CALCB: variants seen among roughly 807,000 people sequenced by gnomAD.
CALCB encodes the protein calcitonin related polypeptide beta.
Under a neutral mutation model 10.7 loss-of-function variants are expected in CALCB, and 8 were observed. That is an observed-to-expected ratio of 0.75 (90% CI 0.44 to 1.34). The LOEUF (loss-of-function observed/expected upper bound fraction) is 1.34, where lower values mean the gene tolerates loss of function less well. Among genes scored for constraint, CALCB ranks in the 40% most tolerant of loss-of-function variants. CALCB has a pLI of 0.01. For missense variants in CALCB, 176 were observed against 162.5 expected (o/e 1.08, Z -0.45); for synonymous variants, 76 against 66.9 (o/e 1.14, Z -0.66).
chr11:15,075,037 A>T (rs1302141834), intron 2 of CALCB, 24 bp from the exon 3 acceptor site: 1 of 1,614,022 alleles, frequency 6.2e-7, no homozygotes, highest in Non-Finnish European at 8.5e-7. Context: ...CACAGCCTGC[A>T]AGGAGTTTGC....
intron 3 of CALCB, among the ~76,000 whole-genome samples, chr11:15,076,110 G>C (rs1000932244): frequency 6.6e-6 from 1 of 152,138 alleles, no homozygotes; most frequent in African/African-American, 2.4e-5. Context: ...CCTTCTGAGT[G>C]ACTGCCCATG....
intron 3 of CALCB, among the ~76,000 whole-genome samples, chr11:15,076,407 T>C (rs2133641507): frequency 6.6e-6 from 1 of 152,308 alleles, no homozygotes; most frequent in South Asian, 2.1e-4. Flanking sequence ...CTTGCTCCAC[T>C]TTATGAACCT....
chr11:15,076,410 A>T (rs1850394108), intron 3 of CALCB, among the ~76,000 whole-genome samples: 1 of 152,078 alleles, frequency 6.6e-6, no homozygotes, highest in African/African-American at 2.4e-5. Context: ...GCTCCACTTT[A>T]TGAACCTGAT....
chr11:15,077,301 G>C lies in CALCB; in HGVS notation c.240G>C (p.Lys80Asn), dbSNP rs760493287. The C allele has an allele frequency of 1.9e-6, 3 of 1,614,184 alleles. No homozygotes were observed. Among genetic ancestry groups the C allele is most frequent in the Admixed American group, 1.7e-5 (1 of 60,024 alleles). The change falls in exon 4 of 5, where the codon AAG becomes AAC. Residue 80 changes from lysine (K) to asparagine (N), a missense_variant. Lys to Asn is a moderately conservative substitution (Grantham distance 94). Transcript: ENST00000324229. ...TGCAAATCAGCTCCGCTGCCCAGAAGAGAGCCTGCAACACTGCCACCTGTG... is the reference window on the plus strand; with the variant it reads ...TGCAAATCAGCTCCGCTGCCCAGAACAGAGCCTGCAACACTGCCACCTGTG... Reference protein sequence around the residue: ...ETQGSSSAAQKRACNTATCVT... With the variant: ...ETQGSSSAAQNRACNTATCVT...
chr11:15,078,417 C>T lies in CALCB; in HGVS notation c.*360C>T, dbSNP rs1261875009. 3.3e-5 allele frequency: 5 copies of T among 152,156 alleles called. No homozygotes were observed. The highest frequency in any genetic ancestry group is 1.3e-4 in the Admixed American group (2 of 15,280). 9.4% of individuals were successfully genotyped at this position (152,156 alleles called of 1,614,324 possible). ...CACTGCCTGTTGTGGTCTCCGAGGACACATGGTAATGGTGATGCTGTGCCT... is the reference window on the plus strand; with the variant it reads ...CACTGCCTGTTGTGGTCTCCGAGGATACATGGTAATGGTGATGCTGTGCCT... On this transcript the variant is annotated 3_prime_UTR_variant, in exon 5 of 5. Coordinates refer to ENST00000324229, the MANE Select transcript of CALCB (RefSeq NM_000728.4).
rs767933835 is a variant in CALCB, at chr11:15,075,130, A to C, written c.156A>C (p.Ala52=). The change falls in exon 3 of 5, where the codon GCA becomes GCC. Residue 52 remains alanine, a synonymous_variant. Coordinates refer to ENST00000324229, the MANE Select transcript of CALCB (RefSeq NM_000728.4). ...AGGACGCGCGCCTCCTGCTGGCTGC[A>C]CTGGTGCAGGACTATGTGCAGATGA... is the stretch of plus-strand genomic sequence containing the variant. ...SKEDARLLLA[A]LVQDYVQMKA... 8.1e-6 allele frequency: 13 copies of C among 1,614,190 alleles called. No individual in the cohort carries two copies. The highest frequency in any genetic ancestry group is 1.1e-5 in the Non-Finnish European group (13 of 1,180,024).
In CALCB at chr11:15,077,204, G is replaced by A. The variant is rs1313238105; in HGVS notation, c.225-82G>A. ...ACTTACTGTTAGGTGGTGTGTCGAA[G>A]TGTTGCAGTTCTCTTCATGAAGGCT... On this transcript the variant is annotated intron_variant, in intron 3 of 4. Coordinates refer to ENST00000324229, the MANE Select transcript of CALCB (RefSeq NM_000728.4). 1.0e-5 allele frequency: 15 copies of A among 1,446,722 alleles called. No individual in the cohort carries two copies. In the African/African-American group the frequency reaches 2.0e-4, roughly 19 times the overall value. The allele number at this position is 1,446,722 out of a possible 1,614,324, so 89.6% of individuals were successfully genotyped here. A position where few individuals can be genotyped will look rare whatever the true frequency, so the allele number is the denominator to read the frequency against.
intron 3 of CALCB, among the ~76,000 whole-genome samples, chr11:15,076,028 A>C (rs549567154): frequency 2.6e-5 from 4 of 152,020 alleles, no homozygotes; most frequent in African/African-American, 9.6e-5. Context: ...ACCTCTCCTA[A>C]TGGAGTGTGT....
chr11:15,073,937 C>A (rs1005439499), intron 1 of CALCB, among the ~76,000 whole-genome samples: 1 of 152,268 alleles, frequency 6.6e-6, no homozygotes, highest in Non-Finnish European at 1.5e-5. Context: ...GTCTGCAGCC[C>A]TGGCGTTGGG....
chr11:15,074,822 C>T lies in CALCB; in HGVS notation c.86+18C>T. 1 of 1,604,090 alleles carries T rather than the reference C, an allele frequency of 6.2e-7. No homozygotes were observed. Among genetic ancestry groups the T allele is most frequent in the African/African-American group, 1.3e-5 (1 of 74,642 alleles). On this transcript the variant is annotated intron_variant, in intron 2 of 4. Transcript: ENST00000324229. Reference sequence around the variant, plus strand: ...CCATTCAGGTGAGACAGCCTGGAGCCAGAGGCGCCTTCTGCTCCCACTGCC... The same window carrying T: ...CCATTCAGGTGAGACAGCCTGGAGCTAGAGGCGCCTTCTGCTCCCACTGCC...
At chr11:15,074,638 C>T (rs550690076) in intron 1 of CALCB, 72 bp from the exon 2 acceptor site, 36 of 1,156,100 alleles carry the variant, frequency 3.1e-5, no homozygotes, top group Non-Finnish European at 4.5e-5. Flanking sequence ...GGTCACATGG[C>T]AGTTGTGGCA....
In CALCB at chr11:15,075,080, C is replaced by A. The variant is rs1267624517; in HGVS notation, c.106C>A (p.Pro36Thr). 6 of 1,614,090 alleles carry A rather than the reference C, an allele frequency of 3.7e-6. No homozygotes were observed. Among genetic ancestry groups the A allele is most frequent in the Non-Finnish European group, 5.1e-6 (6 of 1,180,044 alleles). ...CCACAGGTCTGCCCTGGAGAGCAGC[C>A]CAGACCCGGCCACACTCAGTAAAGA... ...APFRSALESS[P>T]DPATLSKEDA... Residue 36 changes from proline (P) to threonine (T), a missense_variant, in exon 3 of 5, where the codon CCA becomes ACA. By Grantham distance (38) the Pro-to-Thr change is conservative. Transcript: ENST00000324229.
rs746477876 is a variant in CALCB, at chr11:15,074,703, T to C, written c.-9-7T>C. 2 of 1,610,174 alleles carry C rather than the reference T, an allele frequency of 1.2e-6. No individual in the cohort carries two copies. The highest frequency in any genetic ancestry group is 1.1e-5 in the South Asian group (1 of 90,854). ...GGTGCAGTAGTAACGTCATCCTTCCTTTACAGAGAGGCGGCATGGGTTTCC... is the reference window on the plus strand; with the variant it reads ...GGTGCAGTAGTAACGTCATCCTTCCCTTACAGAGAGGCGGCATGGGTTTCC... On this transcript the variant is annotated splice_region_variant and splice_polypyrimidine_tract_variant and intron_variant, in intron 1 of 4. Coordinates refer to ENST00000324229, the MANE Select transcript of CALCB (RefSeq NM_000728.4).
rs935072834 is a variant in CALCB at position 15,077,455 on chromosome 11, T to G, written c.*10T>G. The G allele has an allele frequency of 6.2e-7, 1 of 1,614,062 alleles. No individual in the cohort carries two copies. Among genetic ancestry groups the G allele is most frequent in the Non-Finnish European group, 8.5e-7 (1 of 1,180,008 alleles). ...GGACCTTCAAGCCTGAGCAGATGAA[T>G]GACTCCAGGAAGAAGGTAACTACCC... On this transcript the variant is annotated 3_prime_UTR_variant, in exon 4 of 5. Coordinates refer to ENST00000324229, the MANE Select transcript of CALCB (RefSeq NM_000728.4).
At chr11:15,075,315 C>A in intron 3 of CALCB, 117 bp downstream of exon 3, 1 of 1,531,124 alleles carries the variant, frequency 6.5e-7, no homozygotes, top group Non-Finnish European at 8.9e-7. Context: ...GCTGATTTGT[C>A]CAGCAGGCTC....
intron 1 of CALCB, 108 bp downstream of exon 1, chr11:15,073,771 C>T (rs761912685): frequency 3.9e-5 from 6 of 152,616 alleles, no homozygotes; most frequent in Non-Finnish European, 7.3e-5. Context: ...GCCATCTGGT[C>T]CTACCTTACA....
Position 15,077,466 on chromosome 11 carries a change from A to G in CALCB, c.*21A>G, listed in dbSNP as rs780458788. 4.3e-6 allele frequency: 7 copies of G among 1,613,770 alleles called. No homozygotes were observed. Among genetic ancestry groups the G allele is most frequent in the Non-Finnish European group, 5.1e-6 (6 of 1,179,900 alleles). Reference sequence around the variant, plus strand: ...CCTGAGCAGATGAATGACTCCAGGAAGAAGGTAACTACCCTAATGCTATGG... The same window carrying G: ...CCTGAGCAGATGAATGACTCCAGGAGGAAGGTAACTACCCTAATGCTATGG... On this transcript the variant is annotated 3_prime_UTR_variant, in exon 4 of 5. Transcript: ENST00000324229.
chr11:15,075,060 G>A lies in CALCB; in HGVS notation c.87-1G>A, dbSNP rs1850381326. ...GCAAGGAGTTTGCTTCCCTTCCACA[G>A]GTCTGCCCTGGAGAGCAGCCCAGAC... On this transcript the variant is annotated splice_acceptor_variant, in intron 2 of 4. Transcript: ENST00000324229. LOFTEE classifies it high-confidence loss of function. 1.2e-6 allele frequency: 2 copies of A among 1,614,114 alleles called. No homozygotes were observed. The highest frequency in any genetic ancestry group is 1.7e-6 in the Non-Finnish European group (2 of 1,180,048).
At position 15,075,095 on chromosome 11, in the gene CALCB, C is replaced by T. The variant is rs1850381939; in HGVS notation, c.121C>T (p.Leu41Phe). Residue 41 changes from leucine to phenylalanine, a missense_variant, in exon 3 of 5, where the codon CTC (leucine) becomes TTC (phenylalanine). Coordinates refer to ENST00000324229, the MANE Select transcript of CALCB (RefSeq NM_000728.4). ...ALESSPDPAT[L>F]SKEDARLLLA... ...GGAGAGCAGCCCAGACCCGGCCACACTCAGTAAAGAGGACGCGCGCCTCCT... is the reference window on the plus strand; with the variant it reads ...GGAGAGCAGCCCAGACCCGGCCACATTCAGTAAAGAGGACGCGCGCCTCCT... 2 of 1,614,232 alleles carry T rather than the reference C, an allele frequency of 1.2e-6. No individual in the cohort carries two copies. The highest frequency in any genetic ancestry group is 1.7e-6 in the Non-Finnish European group (2 of 1,180,032).
Sources: gnomAD v4.1 joint callset for allele counts (sites outside exome capture counted in the v4.1 genomes callset) on GRCh38, gnomAD v4.1.1 for gene constraint, MANE v1.5 for transcripts, NCBI Gene and HGNC (gene_info 2026-07-23, HGNC 2026-07-21) for gene names.